Variants in RPS29 observed in about 807,000 individuals in gnomAD.
RPS29 encodes small ribosomal subunit protein uS14.
For missense variants in RPS29, 60 were observed against 75.7 expected, an observed-to-expected ratio of 0.79 and a Z score of 0.77; for synonymous variants, 37 against 26.9, an observed-to-expected ratio of 1.37 and a Z score of -1.16.
exon 3 of RPS29, chr14:49,571,628 G>A (rs1881058128): frequency 6.6e-6 from 1 of 152,130 alleles, no homozygotes; most frequent in African/African-American, 2.4e-5. Context: ...CACTTGGCCA[G>A]TGATTCAATC....
At chr14:49,571,518 G>C (rs1234328971) in exon 3 of RPS29, 1 of 152,170 alleles carries the variant, frequency 6.6e-6, no homozygotes, top group Non-Finnish European at 1.5e-5. Flanking sequence ...ACCCAAGATG[G>C]AGGCCAGTTA....
intron 1 of RPS29, among the ~76,000 whole-genome samples, chr14:49,594,438 G>A (rs552283383): frequency 4.4e-4 from 67 of 152,280 alleles, no homozygotes; most frequent in African/African-American, 1.5e-3. Flanking sequence ...GCAAAGTAAT[G>A]CAGCTCTGAA....
upstream of RPS29, among the ~76,000 whole-genome samples, chr14:49,588,876 C>CTTTT (rs577408713): frequency 7.5e-4 from 69 of 92,462 alleles, 9 homozygotes; most frequent in Non-Finnish European, 1.2e-3. Context: ...TTTCTGAGTC[C>CTTTT]TTTTTTTTTT....
At chr14:49,587,058 G>A (rs1156935609), upstream of RPS29, among the ~76,000 whole-genome samples, 2 of 152,150 alleles carry the variant, frequency 1.3e-5, no homozygotes, top group Non-Finnish European at 2.9e-5. Context: ...AAAATCAGCT[G>A]TAATGATCAC....
intron 2 of RPS29, chr14:49,585,699 AC>A (rs1259450678): frequency 2.2e-5 from 11 of 498,620 alleles, no homozygotes; most frequent in Non-Finnish European, 3.9e-5. Flanking sequence ...GGCACCTAAA[AC>A]TGGCTAAGCT....
exon 3 of RPS29, chr14:49,575,756 A>C (rs888048778): frequency 1.3e-5 from 2 of 152,148 alleles, no homozygotes; most frequent in African/African-American, 4.8e-5. Context: ...AGTCTGAGGT[A>C]GGAGGATTAC....
chr14:49,578,520 G>A (rs1020291120), intron 2 of RPS29, among the ~76,000 whole-genome samples: 2 of 143,852 alleles, frequency 1.4e-5, no homozygotes, highest in African/African-American at 2.6e-5. Context: ...AATTTCTTTC[G>A]GCAATTTTGT....
chr14:49,589,780 C>T (rs1353973935), upstream of RPS29, among the ~76,000 whole-genome samples: 1 of 152,094 alleles, frequency 6.6e-6, no homozygotes, highest in African/African-American at 2.4e-5. Flanking sequence ...ACTGAATCAA[C>T]CTAAATAGCA....
chr14:49,591,401 C>T (rs377691914), intron 1 of RPS29, among the ~76,000 whole-genome samples: 4 of 152,144 alleles, frequency 2.6e-5, no homozygotes, highest in East Asian at 3.9e-4. Context: ...CAACCTCCAC[C>T]TCCCGGCTCA....
chr14:49,580,636 C>G (rs540438013), downstream of RPS29, among the ~76,000 whole-genome samples: 125 of 152,298 alleles, frequency 8.2e-4, no homozygotes, highest in Non-Finnish European at 1.5e-3. Context: ...CTTTGGGAGG[C>G]TGAGGTGGGT....
chr14:49,583,671 T>C lies in RPS29; in HGVS notation c.167A>G (p.Asp56Gly). 1 of 1,530,214 alleles carries C rather than the reference T, an allele frequency of 6.5e-7. No individual in the cohort carries two copies. Among genetic ancestry groups the C allele is most frequent in the Non-Finnish European group, 9.0e-7 (1 of 1,113,144 alleles). The allele number at this position is 1,530,214 out of a possible 1,614,324, so 94.8% of individuals were successfully genotyped here. A position where few individuals can be genotyped will look rare whatever the true frequency, so the allele number is the denominator to read the frequency against. The part of the protein sequence containing the change: ...YAKDIGFIKL[D>G] ...AATCCTCTGAAGGAAGAGCATTTAG[T>C]CCAACTGAAAAAAAAAAAGCAGATG... Residue 56 changes from aspartate (D) to glycine (G), a missense_variant, in exon 3 of 3, where the codon GAC becomes GGC. Asp to Gly is a moderately conservative substitution (Grantham distance 94). Coordinates refer to ENST00000245458, the MANE Select transcript of RPS29 (RefSeq NM_001032.5).
chr14:49,585,745 C>A, intron 2 of RPS29: 1 of 570,554 alleles, frequency 1.8e-6, no homozygotes, highest in Non-Finnish European at 3.1e-6. Context: ...AAGACTAAGT[C>A]CTTCACCTTC....
At chr14:49,592,353 T>C (rs1881731152) in intron 1 of RPS29, 1 of 151,316 alleles carries the variant, frequency 6.6e-6, no homozygotes, top group Non-Finnish European at 1.5e-5. Flanking sequence ...CAAAAAGTTT[T>C]AAAGTCTATG....
intron 1 of RPS29, 35 bp from the exon 2 acceptor site, chr14:49,586,084 A>G (rs1358121747): frequency 2.3e-5 from 36 of 1,570,454 alleles, no homozygotes; most frequent in Non-Finnish European, 3.1e-5. Flanking sequence ...TGCAGGTCAT[A>G]GAAATTACAA....
At chr14:49,598,445 A>G in exon 1 of RPS29, 1 of 702,086 alleles carries the variant, frequency 1.4e-6, no homozygotes. Flanking sequence ...CAAGTCAAAT[A>G]CAGCCATATA....
At chr14:49,595,951 T>G (rs1300208847) in intron 1 of RPS29, among the ~76,000 whole-genome samples, 1 of 137,870 alleles carries the variant, frequency 7.3e-6, no homozygotes, top group African/African-American at 2.8e-5. Flanking sequence ...AGGCTGAGGT[T>G]GCAGTGAGGC....
At chr14:49,587,843 T>C (rs562056001), upstream of RPS29, among the ~76,000 whole-genome samples, 18 of 152,340 alleles carry the variant, frequency 1.2e-4, no homozygotes, top group East Asian at 3.1e-3. Flanking sequence ...CCTTGAAGAA[T>C]GGGATTTCTA....
chr14:49,593,692 C>CAA (rs10647593), intron 1 of RPS29, among the ~76,000 whole-genome samples: 794 of 56,158 alleles, frequency 0.014, 100 homozygotes, highest in East Asian at 0.039. Flanking sequence ...GACTCTGTCT[C>CAA]AAAAAAAAAA....
exon 3 of RPS29, chr14:49,571,131 A>T (rs1168357532): frequency 1.3e-5 from 2 of 152,226 alleles, no homozygotes; most frequent in Admixed American, 6.5e-5. Context: ...TGCCCTAAAG[A>T]AGTTTTCCTG....
Sources: gnomAD v4.1 joint callset for allele counts (sites outside exome capture counted in the v4.1 genomes callset) on GRCh38, gnomAD v4.1.1 for gene constraint, MANE v1.5 for transcripts, NCBI Gene and HGNC (gene_info 2026-07-23, HGNC 2026-07-21) for gene names.